Variants in RAMP1 observed in about 807,000 individuals in gnomAD.
RAMP1 encodes receptor activity-modifying protein 1.
A neutral mutation model predicts 8.2 loss-of-function variants in RAMP1; 7 were observed. The observed-to-expected ratio is 0.85, with a 90% confidence interval of 0.49 to 1.60. RAMP1 has a LOEUF of 1.60. RAMP1 is among the 40% of genes most tolerant of loss of function. The pLI, the probability that RAMP1 is intolerant of heterozygous loss-of-function variation, is 0.00. For missense variants in RAMP1, 192 were observed against 202.4 expected (o/e 0.95, Z 0.31); for synonymous variants, 92 against 84.7 (o/e 1.09, Z -0.47).
At chr2:237,888,256 T>C (rs1360999046) in intron 2 of RAMP1, among the ~76,000 whole-genome samples, 1 of 152,194 alleles carries the variant, frequency 6.6e-6, no homozygotes, top group Non-Finnish European at 1.5e-5. Flanking sequence ...GGTTTCACTA[T>C]GTTGGCCAGG....
intron 2 of RAMP1, among the ~76,000 whole-genome samples, chr2:237,888,795 G>A (rs550892666): frequency 9.2e-5 from 14 of 151,966 alleles, no homozygotes; most frequent in African/African-American, 2.9e-4. Context: ...GTTTTGAGAC[G>A]GAGTCTCCCT....
chr2:237,875,828 A>C (rs1301947720), intron 1 of RAMP1, among the ~76,000 whole-genome samples: 1 of 152,038 alleles, frequency 6.6e-6, no homozygotes, highest in African/African-American at 2.4e-5. Context: ...GTGCTCTGCA[A>C]CAGCACCCCC....
intron 1 of RAMP1, among the ~76,000 whole-genome samples, chr2:237,872,363 G>A (rs74956598): frequency 0.038 from 5,768 of 152,308 alleles, 304 homozygotes; most frequent in East Asian, 0.2. Context: ...TGTGCTCTTG[G>A]GCATTAGTGT....
intron 2 of RAMP1, among the ~76,000 whole-genome samples, chr2:237,901,567 G>A (rs922419676): frequency 3.9e-5 from 6 of 152,214 alleles, no homozygotes; most frequent in Non-Finnish European, 7.3e-5. Flanking sequence ...GCAGAACACT[G>A]GCCACTGTGG....
intron 2 of RAMP1, among the ~76,000 whole-genome samples, chr2:237,908,837 T>C (rs2062679162): frequency 6.6e-6 from 1 of 152,096 alleles, no homozygotes; most frequent in South Asian, 2.1e-4. Flanking sequence ...CTAGCCATGG[T>C]GTGTCTTTGT....
chr2:237,883,746 G>A (rs934565139), intron 2 of RAMP1, among the ~76,000 whole-genome samples: 3 of 150,380 alleles, frequency 2.0e-5, no homozygotes, highest in African/African-American at 7.3e-5. Context: ...AGCCTGAGAG[G>A]TCAAGGCTGC....
At chr2:237,887,380 A>G (rs369952906) in intron 2 of RAMP1, among the ~76,000 whole-genome samples, 1 of 152,154 alleles carries the variant, frequency 6.6e-6, no homozygotes, top group African/African-American at 2.4e-5. Flanking sequence ...CCCTGTGCAT[A>G]GTTCGAGGAC....
At chr2:237,866,822 G>A (rs564613630) in intron 1 of RAMP1, among the ~76,000 whole-genome samples, 94 of 151,434 alleles carry the variant, frequency 6.2e-4, no homozygotes, top group African/African-American at 2.1e-3. Flanking sequence ...TCCAACTCCC[G>A]GGTTCAAGTG....
chr2:237,888,123 G>A (rs1049486088), intron 2 of RAMP1, among the ~76,000 whole-genome samples: 7 of 151,898 alleles, frequency 4.6e-5, no homozygotes, highest in Non-Finnish European at 8.8e-5. Context: ...GCACAATCTC[G>A]GCTCACTGCA....
chr2:237,859,704 G>A lies in RAMP1; in HGVS notation c.29G>A (p.Arg10Gln), dbSNP rs1287976125. Reference sequence around the variant, plus strand: ...GCCCGGGCCCTGTGCCGCCTCCCGCGGCGCGGCCTCTGGCTGCTCCTGGGT... The same window carrying A: ...GCCCGGGCCCTGTGCCGCCTCCCGCAGCGCGGCCTCTGGCTGCTCCTGGGT... MARALCRLPRRGLWLLLAHH... is the reference protein window; with the variant it reads MARALCRLPQRGLWLLLAHH... The change falls in exon 1 of 3, where the codon CGG (arginine) becomes CAG (glutamine). Residue 10 changes from arginine to glutamine, a missense_variant. Coordinates refer to ENST00000254661, the MANE Select transcript of RAMP1 (RefSeq NM_005855.4). 1.3e-6 allele frequency: 2 copies of A among 1,512,272 alleles called. No homozygotes were observed. Among genetic ancestry groups the A allele is most frequent in the Non-Finnish European group, 8.8e-7 (1 of 1,131,054 alleles). The allele number at this position is 1,512,272 out of a possible 1,614,324, so 93.7% of individuals were successfully genotyped here.
intron 2 of RAMP1, among the ~76,000 whole-genome samples, chr2:237,895,845 G>A (rs2062537268): frequency 6.6e-6 from 1 of 152,174 alleles, no homozygotes; most frequent in Non-Finnish European, 1.5e-5. Flanking sequence ...AATATAGCTT[G>A]CCGGCTGTCA....
rs974389134 is a variant in RAMP1, at chr2:237,877,725, C to T, written c.191+363C>T. 4.6e-5 allele frequency among the ~76,000 whole-genome samples: 7 copies of T among 152,160 alleles called. No homozygotes were observed. Among genetic ancestry groups the T allele is most frequent in the Non-Finnish European group, 1.0e-4 (7 of 68,008 alleles). On this transcript the variant is annotated intron_variant, in intron 2 of 2. Transcript: ENST00000254661. The surrounding 1 kb of genome is among the most constrained non-coding windows in gnomAD (Gnocchi z 4.4). Reference sequence around the variant, plus strand: ...TCTGACTGGAGCCTGGCTTCAGGGACGTCCCTGCTGATTCCCTCTGTCCCT... The same window carrying T: ...TCTGACTGGAGCCTGGCTTCAGGGATGTCCCTGCTGATTCCCTCTGTCCCT...
chr2:237,892,451 G>A (rs1412913632), intron 2 of RAMP1, among the ~76,000 whole-genome samples: 1 of 151,560 alleles, frequency 6.6e-6, no homozygotes, highest in East Asian at 1.9e-4. Context: ...GTAGAGATGG[G>A]GTCTCACTGT....
rs181228565 is a variant in RAMP1 at position 237,872,755 on chromosome 2, T to G, written c.53-4469T>G. ...AAATAGGCTAATGGTGGCCAGGCAC[T>G]GTGGCTCACGCCTGTAATCCCAGCA... On this transcript the variant is annotated intron_variant, in intron 1 of 2. Coordinates refer to ENST00000254661, the MANE Select transcript of RAMP1 (RefSeq NM_005855.4). Among the ~76,000 whole-genome samples the G allele has an allele frequency of 2.3e-4, 35 of 152,350 alleles. No individual in the cohort carries two copies. The East Asian group carries it at 6.6e-3, about 29-fold the overall frequency.
intron 2 of RAMP1, among the ~76,000 whole-genome samples, chr2:237,894,982 G>C (rs2062524927): frequency 6.6e-6 from 1 of 152,162 alleles, no homozygotes; most frequent in South Asian, 2.1e-4. Flanking sequence ...TCAGAATCCA[G>C]ATACCTGATT....
intron 2 of RAMP1, among the ~76,000 whole-genome samples, chr2:237,893,470 C>T (rs569513984): frequency 6.6e-6 from 1 of 152,174 alleles, no homozygotes; most frequent in Non-Finnish European, 1.5e-5. Context: ...ATGGTTCCTC[C>T]GGCACCCTCC....
At position 237,859,747 on chromosome 2, in the gene RAMP1, C is replaced by T. The variant is rs2062113892; in HGVS notation, c.52+20C>T. 6.7e-7 allele frequency: 1 copy of T among 1,503,726 alleles called. No homozygotes were observed. 93.1% of individuals were successfully genotyped at this position (1,503,726 alleles called of 1,614,324 possible). ...TCCTGGGTGAGTAGGTCCAGGGGTCCCGGCCGAGCTCCCTTCCCCTGGCCA... is the reference window on the plus strand; with the variant it reads ...TCCTGGGTGAGTAGGTCCAGGGGTCTCGGCCGAGCTCCCTTCCCCTGGCCA... On this transcript the variant is annotated intron_variant, in intron 1 of 2. Coordinates refer to ENST00000254661, the MANE Select transcript of RAMP1 (RefSeq NM_005855.4).
intron 1 of RAMP1, chr2:237,874,663 C>G (rs986103136): frequency 1.0e-6 from 1 of 985,112 alleles, no homozygotes; most frequent in Non-Finnish European, 1.2e-6. Context: ...GCCTGAGGCA[C>G]GCTTGCTTCA....
At position 237,877,397 on chromosome 2, in the gene RAMP1, T is replaced by C. The variant is rs200451024; in HGVS notation, c.191+35T>C. The C allele has an allele frequency of 8.3e-4, 1,314 of 1,591,344 alleles. 3 individuals are homozygous for C. The East Asian group carries it at 9.4e-3, about 11-fold the overall frequency. On this transcript the variant is annotated intron_variant, in intron 2 of 2. Coordinates refer to ENST00000254661, the MANE Select transcript of RAMP1 (RefSeq NM_005855.4). The surrounding 1 kb of genome is among the most constrained non-coding windows in gnomAD (Gnocchi z 4.4). Reference sequence around the variant, plus strand: ...ATGGCCCCTGGTGGGCAGGACACGGTTGGGGAGGGAGAGGGGGCAAGCGGA... The same window carrying C: ...ATGGCCCCTGGTGGGCAGGACACGGCTGGGGAGGGAGAGGGGGCAAGCGGA...
Sources: gnomAD v4.1 joint callset for allele counts (sites outside exome capture counted in the v4.1 genomes callset) on GRCh38, gnomAD v4.1.1 for gene constraint, Gnocchi (gnomAD v3.1) non-coding constraint, MANE v1.5 for transcripts, NCBI Gene and HGNC (gene_info 2026-07-23, HGNC 2026-07-21) for gene names.